TENM4: variants seen among roughly 807,000 people sequenced by gnomAD.
TENM4 encodes the protein teneurin transmembrane protein 4, also known as teneurin-4.
A neutral mutation model predicts 243.3 loss-of-function variants in TENM4; 82 were observed. The observed-to-expected ratio is 0.34, with a 90% CI of 0.28 to 0.40. The LOEUF is 0.40. TENM4 is among the 10% of genes least tolerant of loss of function. The pLI, the probability that TENM4 is intolerant of heterozygous loss-of-function variation, is 1.00. For synonymous variants in TENM4, 1,412 were observed against 1,456.3 expected, an observed-to-expected ratio of 0.97 and a Z score of 0.69; for missense variants, 3,138 against 3,673.3, an observed-to-expected ratio of 0.85 and a Z score of 3.77.
chr11:79,046,961 C>T (rs1450708950), intron 6 of TENM4, among the ~76,000 whole-genome samples: 1 of 152,112 alleles, frequency 6.6e-6, no homozygotes, highest in Non-Finnish European at 1.5e-5. Flanking sequence ...GATGATTCAT[C>T]AAGACGCGAT....
chr11:78,973,674 A>G (rs948237278), intron 6 of TENM4, among the ~76,000 whole-genome samples: 5 of 152,108 alleles, frequency 3.3e-5, no homozygotes, highest in African/African-American at 1.2e-4. Context: ...GAAAACATCA[A>G]TGAACAAGTA....
intron 1 of TENM4, among the ~76,000 whole-genome samples, chr11:79,363,535 T>C (rs11237804): frequency 0.15 from 22,275 of 152,282 alleles, 1,720 homozygotes; most frequent in Non-Finnish European, 0.17. Context: ...CTGAAACTCA[T>C]GTTTCCTCAT....
intron 15 of TENM4, among the ~76,000 whole-genome samples, chr11:78,796,333 G>T (rs1021717588): frequency 1.3e-5 from 2 of 152,176 alleles, no homozygotes; most frequent in African/African-American, 4.8e-5. Flanking sequence ...GAACTAGTGA[G>T]CAAGGAAGCC....
At chr11:79,190,786 TCTCCC>T (rs1863464433) in intron 3 of TENM4, among the ~76,000 whole-genome samples, 1 of 97,362 alleles carries the variant, frequency 1.0e-5, no homozygotes, top group Admixed American at 1.0e-4. Context: ...CCCTCTCCCG[TCTCCC>T]TCTCCCTCTC....
At chr11:79,339,074 G>A (rs998323318) in intron 1 of TENM4, among the ~76,000 whole-genome samples, 1 of 152,216 alleles carries the variant, frequency 6.6e-6, no homozygotes, top group African/African-American at 2.4e-5. Flanking sequence ...TGAGTGCCAG[G>A]AAGATCCAGC....
chr11:78,933,612 A>G (rs150517147), intron 6 of TENM4, among the ~76,000 whole-genome samples: 1 of 152,292 alleles, frequency 6.6e-6, no homozygotes, highest in Non-Finnish European at 1.5e-5. Flanking sequence ...CTAAACCTGG[A>G]GAACACTGCT....
At chr11:78,770,971 C>A in intron 18 of TENM4, 21 bp downstream of exon 18, 1 of 1,571,668 alleles carries the variant, frequency 6.4e-7, no homozygotes, top group South Asian at 1.2e-5. Flanking sequence ...CGCCTGGAGC[C>A]CATGGGTGCC....
chr11:79,111,314 G>A (rs1471330933), intron 4 of TENM4, among the ~76,000 whole-genome samples: 1 of 152,148 alleles, frequency 6.6e-6, no homozygotes, highest in Non-Finnish European at 1.5e-5. Flanking sequence ...GGGAGGCCGA[G>A]GTGGGTAGAT....
chr11:79,158,680 C>T (rs371985254), intron 3 of TENM4, among the ~76,000 whole-genome samples: 33 of 152,254 alleles, frequency 2.2e-4, no homozygotes, highest in East Asian at 1.7e-3. Context: ...GTCACATTTA[C>T]GCCTCAATCA....
At chr11:79,182,747 T>C (rs1260735099) in intron 3 of TENM4, among the ~76,000 whole-genome samples, 2 of 152,120 alleles carry the variant, frequency 1.3e-5, no homozygotes, top group African/African-American at 4.8e-5. Context: ...TGATTTAAAA[T>C]TGGGCAAAAG....
intron 2 of TENM4, among the ~76,000 whole-genome samples, chr11:79,283,237 CACACACACACACAA>C: frequency 6.7e-6 from 1 of 149,092 alleles, no homozygotes; most frequent in South Asian, 2.1e-4. Context: ...CACACACACA[CACACACACACACAA>C]GTACAGATGA....
chr11:79,187,730 C>T (rs887898986), intron 3 of TENM4, among the ~76,000 whole-genome samples: 8 of 152,130 alleles, frequency 5.3e-5, no homozygotes, highest in African/African-American at 1.7e-4. Context: ...TGATTGGGCC[C>T]TACCCCAGTA....
intron 27 of TENM4, among the ~76,000 whole-genome samples, chr11:78,704,106 T>C (rs1182814540): frequency 1.4e-5 from 2 of 147,232 alleles, no homozygotes; most frequent in Non-Finnish European, 3.0e-5. Flanking sequence ...TATGTATGTG[T>C]GTGTGTCTAT....
chr11:79,172,243 G>A (rs771615631), intron 3 of TENM4, among the ~76,000 whole-genome samples: 1 of 152,094 alleles, frequency 6.6e-6, no homozygotes, highest in Non-Finnish European at 1.5e-5. Context: ...ATGAGTCAAT[G>A]CACCTAGTCA....
intron 4 of TENM4, among the ~76,000 whole-genome samples, 163 bp from the exon 5 acceptor site, chr11:79,070,172 G>A (rs1860375389): frequency 6.6e-6 from 1 of 152,218 alleles, no homozygotes; most frequent in Non-Finnish European, 1.5e-5. Context: ...GCAAAGGAAA[G>A]TCGCACCCAG....
At chr11:79,316,503 G>A (rs1344418601) in intron 1 of TENM4, among the ~76,000 whole-genome samples, 1 of 152,162 alleles carries the variant, frequency 6.6e-6, no homozygotes, top group East Asian at 1.9e-4. Context: ...GAGAAGACTG[G>A]GTTGAGTATT....
At chr11:79,431,733 T>A (rs1303597801) in intron 1 of TENM4, among the ~76,000 whole-genome samples, 1 of 152,188 alleles carries the variant, frequency 6.6e-6, no homozygotes. Context: ...CATCTACCTG[T>A]AGTCATACAT....
Position 78,669,994 on chromosome 11 carries a change from T to C in TENM4, c.6351A>G (p.Thr2117=). The C allele has an allele frequency of 6.2e-7, 1 of 1,613,970 alleles. No homozygotes were observed. The highest frequency in any genetic ancestry group is 2.2e-5 in the East Asian group (1 of 44,882). Reference sequence around the variant, plus strand: ...TGACACCAAACTTCCCAAACTGCTCTGTCTTGCCTGACACATCATCATAGC... The same window carrying C: ...TGACACCAAACTTCCCAAACTGCTCCGTCTTGCCTGACACATCATCATAGC... ...LYRYDDVSGK[T]EQFGKFGVIY... Residue 2117 remains threonine (T), a synonymous_variant, in exon 32 of 34, where the codon ACA becomes ACG. Coordinates refer to ENST00000278550, the MANE Select transcript of TENM4 (RefSeq NM_001098816.3). The surrounding 1 kb of genome is among the most constrained non-coding windows in gnomAD (Gnocchi z 6.4).
intron 3 of TENM4, among the ~76,000 whole-genome samples, chr11:79,161,780 G>A (rs777862396): frequency 1.3e-5 from 2 of 152,198 alleles, no homozygotes; most frequent in African/African-American, 2.4e-5. Context: ...GTGGTCAGTG[G>A]GGACCCATTG....
Sources: allele counts gnomAD v4.1 joint callset (sites outside exome capture counted in the v4.1 genomes callset), GRCh38; gene constraint gnomAD v4.1.1; non-coding constraint Gnocchi (gnomAD v3.1); transcripts MANE v1.5; gene names NCBI Gene and HGNC (gene_info 2026-07-23, HGNC 2026-07-21).